The following FSTL4 variants were observed in gnomAD, a reference collection of about 807,000 sequenced individuals.
The protein encoded by FSTL4 is follistatin like 4.
Under a neutral mutation model 78.2 loss-of-function variants are expected in FSTL4, and 28 were observed. The observed-to-expected ratio is 0.36, with a 90% CI of 0.27 to 0.49. FSTL4 has a LOEUF of 0.49. Ranked by LOEUF, FSTL4 falls within the 20% of genes least tolerant of loss-of-function variation. The pLI is 0.98. For missense variants in FSTL4, 922 were observed against 1,084.9 expected (o/e 0.85, Z 2.11); for synonymous variants, 422 against 440.5 (o/e 0.96, Z 0.53).
chr5:133,839,236 C>T, the FSTL4 span, among the ~76,000 whole-genome samples: 4 of 152,202 alleles, frequency 2.6e-5, no homozygotes, highest in Non-Finnish European at 5.9e-5. Flanking sequence ...CTCAGACTCA[C>T]TCCCAAGGCT....
At chr5:133,596,813 G>A (rs1411476622) in intron 2 of FSTL4, among the ~76,000 whole-genome samples, 1 of 152,206 alleles carries the variant, frequency 6.6e-6, no homozygotes, top group Admixed American at 6.5e-5. Context: ...CAGCCCCGCA[G>A]GCCACTCACA....
At chr5:133,654,250 T>A in the FSTL4 span, among the ~76,000 whole-genome samples, 1 of 152,198 alleles carries the variant, frequency 6.6e-6, no homozygotes, top group African/African-American at 2.4e-5. Flanking sequence ...CTGATGCTCA[T>A]TATGCATGGG....
rs141764322 is a variant in FSTL4 at position 133,525,041 on chromosome 5, G to A, written c.160+42145C>T. ...TCTGAAACTTTACCTTTTTAACCCTGTTACATGGAGTCTTCCCAGCAGACG... is the reference window on the plus strand; with the variant it reads ...TCTGAAACTTTACCTTTTTAACCCTATTACATGGAGTCTTCCCAGCAGACG... On this transcript the variant is annotated intron_variant, in intron 3 of 15. Transcript: ENST00000265342. Among the ~76,000 whole-genome samples, 858 of 152,226 alleles carry A rather than the reference G, an allele frequency of 5.6e-3. 13 individuals carry two copies. Among genetic ancestry groups the A allele is most frequent in the African/African-American group, 0.02 (827 of 41,542 alleles).
chr5:133,390,353 CACA>C (rs1755812924), intron 4 of FSTL4, among the ~76,000 whole-genome samples: 3 of 152,352 alleles, frequency 2.0e-5, no homozygotes, highest in African/African-American at 4.8e-5. Context: ...CAGAAATGAG[CACA>C]ACAAGAAGAA....
At chr5:133,260,113 T>A (rs955038089) in intron 6 of FSTL4, among the ~76,000 whole-genome samples, 1 of 152,202 alleles carries the variant, frequency 6.6e-6, no homozygotes, top group Non-Finnish European at 1.5e-5. Flanking sequence ...CAAGTCTTTA[T>A]CATCTGGGTC....
chr5:133,802,684 A>G, the FSTL4 span, among the ~76,000 whole-genome samples: 1 of 152,188 alleles, frequency 6.6e-6, no homozygotes, highest in African/African-American at 2.4e-5. Flanking sequence ...TGTTCTATTT[A>G]TTTCTGAAAA....
intron 4 of FSTL4, among the ~76,000 whole-genome samples, chr5:133,334,965 C>A (rs374222116): frequency 6.6e-6 from 1 of 152,156 alleles, no homozygotes; most frequent in East Asian, 1.9e-4. Flanking sequence ...TGCCCCAGGG[C>A]GTCCTGGCCT....
intron 3 of FSTL4, among the ~76,000 whole-genome samples, chr5:133,424,344 G>A (rs973597872): frequency 6.6e-6 from 1 of 152,164 alleles, no homozygotes; most frequent in African/African-American, 2.4e-5. Flanking sequence ...TCCTGGGACC[G>A]GCTGACAATT....
intron 4 of FSTL4, among the ~76,000 whole-genome samples, chr5:133,384,509 C>T (rs900362137): frequency 6.6e-6 from 1 of 152,230 alleles, no homozygotes; most frequent in Non-Finnish European, 1.5e-5. Flanking sequence ...CAGTTAGAAC[C>T]ATCCTGGGGT....
At chr5:133,290,074 A>G (rs1022892811) in intron 6 of FSTL4, among the ~76,000 whole-genome samples, 7 of 152,182 alleles carry the variant, frequency 4.6e-5, no homozygotes, top group African/African-American at 1.7e-4. Flanking sequence ...CAGCCTCAGA[A>G]CAAACCTTCG....
chr5:133,688,146 C>T, the FSTL4 span, among the ~76,000 whole-genome samples: 61,224 of 152,070 alleles, frequency 0.4, 12,728 homozygotes, highest in African/African-American at 0.49. Flanking sequence ...CAGGGGCTCA[C>T]GCCTGTAATC....
chr5:133,822,685 C>G, the FSTL4 span, among the ~76,000 whole-genome samples: 2 of 152,158 alleles, frequency 1.3e-5, no homozygotes, highest in Non-Finnish European at 2.9e-5. Context: ...GGAAAGGCAA[C>G]ATTTCAACAA....
At chr5:133,582,419 CAG>C (rs1561477431) in intron 2 of FSTL4, among the ~76,000 whole-genome samples, 2 of 152,170 alleles carry the variant, frequency 1.3e-5, no homozygotes, top group African/African-American at 4.8e-5. Flanking sequence ...AAAGAGCACT[CAG>C]TATCTGGTAG....
chr5:133,488,725 A>G (rs189877164), intron 3 of FSTL4, among the ~76,000 whole-genome samples: 3 of 152,322 alleles, frequency 2.0e-5, no homozygotes, highest in African/African-American at 7.2e-5. Flanking sequence ...GAAAATGAAA[A>G]CATAGTAGTA....
intron 3 of FSTL4, among the ~76,000 whole-genome samples, chr5:133,551,674 G>C (rs2112929148): frequency 6.6e-6 from 1 of 152,140 alleles, no homozygotes; most frequent in African/African-American, 2.4e-5. Context: ...AGTATCTTTG[G>C]GATAAACACA....
chr5:133,796,326 G>A, the FSTL4 span, among the ~76,000 whole-genome samples: 1,416 of 152,290 alleles, frequency 9.3e-3, 28 homozygotes, highest in African/African-American at 0.033. Context: ...TGCTGTCTGC[G>A]GACAGCTTGA....
At chr5:133,451,806 G>A (rs1244800887) in intron 3 of FSTL4, among the ~76,000 whole-genome samples, 2 of 152,182 alleles carry the variant, frequency 1.3e-5, no homozygotes, top group East Asian at 3.9e-4. Flanking sequence ...AATTGTTCAA[G>A]TTGGGCGGAA....
At chr5:133,503,388 C>A (rs1260305538) in intron 3 of FSTL4, among the ~76,000 whole-genome samples, 1 of 152,184 alleles carries the variant, frequency 6.6e-6, no homozygotes, top group African/African-American at 2.4e-5. Flanking sequence ...AAGCGGCTCA[C>A]AAAATTCCTG....
chr5:133,709,210 TAAG>T, the FSTL4 span, among the ~76,000 whole-genome samples: 1 of 152,208 alleles, frequency 6.6e-6, no homozygotes, highest in African/African-American at 2.4e-5. Flanking sequence ...TAGAAGGAAC[TAAG>T]AAGATGGGGA....
Sources: allele counts gnomAD v4.1 joint callset (sites outside exome capture counted in the v4.1 genomes callset), GRCh38; gene constraint gnomAD v4.1.1; transcripts MANE v1.5; gene names NCBI Gene and HGNC (gene_info 2026-07-23, HGNC 2026-07-21).